The following KDM4C variants were observed in gnomAD, a reference collection of about 807,000 sequenced individuals.
KDM4C encodes lysine-specific demethylase 4C.
KDM4C carries 81 observed loss-of-function variants against 129.3 expected under a neutral mutation model. The ratio of observed to expected loss-of-function variants is 0.63; its 90% CI spans 0.52 to 0.75. KDM4C has a LOEUF of 0.75. Ranked by LOEUF, KDM4C falls within the 30% of genes least tolerant of loss-of-function variation. KDM4C has a pLI of 0.00. For synonymous variants in KDM4C, 573 were observed against 456.1 expected, an observed-to-expected ratio of 1.26 and a Z score of -3.26; for missense variants, 1,457 against 1,304.0, an observed-to-expected ratio of 1.12 and a Z score of -1.81.
chr9:6,998,605 G>A (rs975566322), intron 12 of KDM4C, among the ~76,000 whole-genome samples: 5 of 152,158 alleles, frequency 3.3e-5, no homozygotes, highest in Non-Finnish European at 5.9e-5. Context: ...AGACCAGCCT[G>A]GTTAACATCG....
chr9:6,877,615 A>G (rs192990710), intron 5 of KDM4C, among the ~76,000 whole-genome samples: 1 of 152,230 alleles, frequency 6.6e-6, no homozygotes, highest in Admixed American at 6.5e-5. Context: ...TTAAAAGAAT[A>G]GTAGTATCTT....
intron 17 of KDM4C, among the ~76,000 whole-genome samples, chr9:7,067,802 A>AT (rs1277420624): frequency 2.0e-5 from 3 of 151,754 alleles, no homozygotes; most frequent in African/African-American, 7.3e-5. Context: ...ATGATTTTTG[A>AT]CTTTTTTTTT....
intron 7 of KDM4C, among the ~76,000 whole-genome samples, chr9:6,891,812 G>C (rs572934511): frequency 1.3e-5 from 2 of 152,182 alleles, no homozygotes; most frequent in East Asian, 3.9e-4. Flanking sequence ...GTAATTTTCT[G>C]AGGTTGATAT....
At chr9:7,003,875 T>C (rs1305047468) in intron 12 of KDM4C, among the ~76,000 whole-genome samples, 1 of 152,188 alleles carries the variant, frequency 6.6e-6, no homozygotes, top group Admixed American at 6.5e-5. Flanking sequence ...ATCTTTGCCT[T>C]TTTGAGTATC....
intron 17 of KDM4C, among the ~76,000 whole-genome samples, chr9:7,095,703 GTTC>G (rs1379549630): frequency 2.0e-5 from 3 of 152,124 alleles, no homozygotes; most frequent in Non-Finnish European, 2.9e-5. Flanking sequence ...GAGTTAAGGA[GTTC>G]TTCTAAGTAA....
intron 17 of KDM4C, among the ~76,000 whole-genome samples, chr9:7,089,748 G>A (rs1345041706): frequency 2.0e-5 from 3 of 152,300 alleles, no homozygotes; most frequent in Admixed American, 1.3e-4. Flanking sequence ...CCCAAAGGGT[G>A]GGGGTATGGA....
At chr9:7,139,655 A>G (rs1008637377) in intron 19 of KDM4C, among the ~76,000 whole-genome samples, 4 of 152,218 alleles carry the variant, frequency 2.6e-5, no homozygotes, top group Admixed American at 6.5e-5. Context: ...TGTTCCCTAC[A>G]TGAATTTTGA....
intron 6 of KDM4C, among the ~76,000 whole-genome samples, chr9:6,886,293 A>G (rs551168137): frequency 4.0e-5 from 6 of 150,600 alleles, no homozygotes; most frequent in African/African-American, 9.7e-5. Flanking sequence ...AACATTTCTC[A>G]TGTTTTATTG....
chr9:7,167,868 G>A (rs1844558863), intron 20 of KDM4C, among the ~76,000 whole-genome samples: 1 of 152,200 alleles, frequency 6.6e-6, no homozygotes, highest in African/African-American at 2.4e-5. Context: ...CGATATATCA[G>A]TTGGACATTC....
At chr9:7,062,571 G>T (rs867246564) in intron 17 of KDM4C, among the ~76,000 whole-genome samples, 3 of 151,468 alleles carry the variant, frequency 2.0e-5, no homozygotes, top group Non-Finnish European at 4.4e-5. Flanking sequence ...TTTTGTCAGG[G>T]TGGGGTCTTT....
At chr9:6,922,708 C>T (rs1821757120) in intron 8 of KDM4C, among the ~76,000 whole-genome samples, 1 of 152,262 alleles carries the variant, frequency 6.6e-6, no homozygotes, top group Non-Finnish European at 1.5e-5. Flanking sequence ...GATTGCACCA[C>T]TGTACTCCAG....
At chr9:6,752,817 G>T (rs987161982), upstream of KDM4C, among the ~76,000 whole-genome samples, 1 of 152,026 alleles carries the variant, frequency 6.6e-6, no homozygotes, top group Non-Finnish European at 1.5e-5. Flanking sequence ...TATAATCAGA[G>T]ACTTTATAAA....
intron 21 of KDM4C, among the ~76,000 whole-genome samples, chr9:7,171,682 A>ATCACAATCTCTTTGTT (rs1396133799): frequency 6.6e-6 from 1 of 152,192 alleles, no homozygotes; most frequent in Non-Finnish European, 1.5e-5. Context: ...TCATACTCTG[A>ATCACAATCTCTTTGTT]TCACAATCTC....
At chr9:6,883,712 T>A (rs1416776890) in intron 6 of KDM4C, among the ~76,000 whole-genome samples, 1 of 152,052 alleles carries the variant, frequency 6.6e-6, no homozygotes, top group African/African-American at 2.4e-5. Context: ...GGAGGAATTA[T>A]GGGGAAGTGA....
At chr9:7,085,914 G>A (rs1006361408) in intron 17 of KDM4C, among the ~76,000 whole-genome samples, 1 of 152,014 alleles carries the variant, frequency 6.6e-6, no homozygotes, top group African/African-American at 2.4e-5. Context: ...CCAGCACTTT[G>A]GGAGGCCGAG....
At chr9:7,170,004 A>C (rs747764380) in intron 21 of KDM4C, 114 bp downstream of exon 21, 1 of 1,560,324 alleles carries the variant, frequency 6.4e-7, no homozygotes, top group Non-Finnish European at 8.7e-7. Flanking sequence ...ATTCTAAAAA[A>C]AGCCAATGCA....
At chr9:6,847,895 T>C (rs191403300) in intron 4 of KDM4C, among the ~76,000 whole-genome samples, 51 of 152,284 alleles carry the variant, frequency 3.3e-4, no homozygotes, top group Middle Eastern at 3.4e-3. Context: ...ACAGTAAGAT[T>C]AACACACTGA....
chr9:6,881,933 T>G (rs1474026195), intron 6 of KDM4C, among the ~76,000 whole-genome samples: 1 of 152,234 alleles, frequency 6.6e-6, no homozygotes, highest in Non-Finnish European at 1.5e-5. Flanking sequence ...AACACTTGAT[T>G]CATAAAATGA....
At chr9:6,921,492 A>G (rs558326956) in intron 8 of KDM4C, among the ~76,000 whole-genome samples, 1 of 152,152 alleles carries the variant, frequency 6.6e-6, no homozygotes, top group African/African-American at 2.4e-5. Flanking sequence ...CACACACCCA[A>G]TCAATTCTGT....
Sources: gnomAD v4.1 joint callset for allele counts (sites outside exome capture counted in the v4.1 genomes callset) on GRCh38, gnomAD v4.1.1 for gene constraint, MANE v1.5 for transcripts, NCBI Gene and HGNC (gene_info 2026-07-23, HGNC 2026-07-21) for gene names.